Variants in AKR1B15 observed in about 807,000 individuals in gnomAD.
The protein encoded by AKR1B15 is aldo-keto reductase family 1 member B15, also known as estradiol 17-beta-dehydrogenase AKR1B15.
In AKR1B15, 49 loss-of-function variants were observed where a neutral mutation model predicts 38.5. The ratio of observed to expected loss-of-function variants is 1.27; its 90% CI spans 1.01 to 1.62. The LOEUF is 1.62. Ranked by LOEUF, AKR1B15 falls within the 40% of genes most tolerant of loss-of-function variation. The pLI is 0.00. For synonymous variants in AKR1B15, 137 were observed against 135.5 expected (o/e 1.01, Z -0.08); for missense variants, 411 against 381.6 (o/e 1.08, Z -0.64).
intron 2 of AKR1B15, among the ~76,000 whole-genome samples, chr7:134,563,543 G>A (rs530993233): frequency 2.8e-4 from 43 of 152,258 alleles, no homozygotes; most frequent in Admixed American, 1.8e-3. Flanking sequence ...GCAAGACTCC[G>A]TCTCAAAAAC....
chr7:134,576,421 C>G lies in AKR1B15; in HGVS notation c.816C>G (p.Thr272=). 1 of 1,614,126 alleles carries G rather than the reference C, an allele frequency of 6.2e-7. No homozygotes were observed. Among genetic ancestry groups the G allele is most frequent in the Non-Finnish European group, 8.5e-7 (1 of 1,179,982 alleles). ...AGATTGCTGCAAAGCACAAAAAAAC[C>G]ACAGCCCAGGTACCATATTTTTATT... is the stretch of plus-strand genomic sequence containing the variant. ...IKEIAAKHKK[T]TAQVLIRFHI... Residue 272 remains threonine, a synonymous_variant, in exon 9 of 12, where the codon ACC becomes ACG. Transcript: ENST00000457545.
At chr7:134,549,628 C>T (rs1331918788) in intron 1 of AKR1B15, among the ~76,000 whole-genome samples, 1 of 152,036 alleles carries the variant, frequency 6.6e-6, no homozygotes, top group East Asian at 1.9e-4. Flanking sequence ...AGGCATAGCT[C>T]GATCCAAGCC....
At chr7:134,550,998 ATG>A (rs1793951324) in intron 1 of AKR1B15, among the ~76,000 whole-genome samples, 1 of 152,038 alleles carries the variant, frequency 6.6e-6, no homozygotes, top group Non-Finnish European at 1.5e-5. Context: ...GCTCTCCTTC[ATG>A]GCTCCACTCG....
intron 2 of AKR1B15, 59 bp from the exon 3 acceptor site, chr7:134,564,539 C>T: frequency 1.6e-6 from 1 of 610,126 alleles, no homozygotes; most frequent in Non-Finnish European, 2.9e-6. Context: ...AGCCATCTTG[C>T]TATTACTCAC....
chr7:134,559,466 C>T (rs1185071874), intron 2 of AKR1B15, among the ~76,000 whole-genome samples: 1 of 152,128 alleles, frequency 6.6e-6, no homozygotes, highest in Non-Finnish European at 1.5e-5. Flanking sequence ...ACACTGTAAC[C>T]CCTTGTTGCT....
chr7:134,577,126 C>T (rs1794782932), intron 10 of AKR1B15, 80 bp downstream of exon 10: 12 of 1,381,552 alleles, frequency 8.7e-6, no homozygotes, highest in South Asian at 2.4e-5. Context: ...CTTCTCACCT[C>T]ATCCCTGCAC....
chr7:134,575,501 T>C lies in AKR1B15; in HGVS notation c.595T>C (p.Leu199=), dbSNP rs1402619753. ...NFNHFQIERL[L]NKPGLKYKPV... is the part of the protein sequence containing the mutation. The stretch of plus-strand genomic sequence containing the variant: ...CAACCACTTCCAGATCGAGAGGCTC[T>C]TGAACAAACCTGGACTGAAATATAA... The change falls in exon 7 of 12, where the codon TTG becomes CTG. Residue 199 remains leucine, a synonymous_variant. Coordinates refer to ENST00000457545, the MANE Select transcript of AKR1B15 (RefSeq NM_001080538.3). The C allele has an allele frequency of 6.2e-7, 1 of 1,613,930 alleles. No individual in the cohort carries two copies. The highest frequency in any genetic ancestry group is 2.2e-5 in the East Asian group (1 of 44,868).
At chr7:134,562,832 C>CTCTCTCTT (rs1554402358) in intron 2 of AKR1B15, among the ~76,000 whole-genome samples, 105 of 122,696 alleles carry the variant, frequency 8.6e-4, no homozygotes, top group African/African-American at 3.0e-3. Context: ...TCCTTCCTTT[C>CTCTCTCTT]TCTTTCTTTC....
intron 6 of AKR1B15, among the ~76,000 whole-genome samples, chr7:134,574,637 A>C (rs1794725287): frequency 6.6e-6 from 1 of 152,202 alleles, no homozygotes; most frequent in Non-Finnish European, 1.5e-5. Flanking sequence ...AGGATCTAGA[A>C]CATGTAATAG....
At chr7:134,577,094 A>G (rs1585816779) in intron 10 of AKR1B15, 48 bp downstream of exon 10, 6 of 1,541,146 alleles carry the variant, frequency 3.9e-6, no homozygotes, top group South Asian at 1.1e-5. Flanking sequence ...GGAGTGGGGG[A>G]CAGGCAGACC....
At chr7:134,560,316 G>A (rs1794347088) in intron 2 of AKR1B15, among the ~76,000 whole-genome samples, 2 of 152,100 alleles carry the variant, frequency 1.3e-5, no homozygotes, top group South Asian at 4.2e-4. Context: ...CATGGAAAAC[G>A]GAAAACACAT....
chr7:134,562,874 C>CTTTCT (rs761100358), intron 2 of AKR1B15, among the ~76,000 whole-genome samples: 23 of 138,954 alleles, frequency 1.7e-4, no homozygotes, highest in African/African-American at 6.4e-4. Context: ...TTCTTTCTTT[C>CTTTCT]TTTCTTTCTT....
chr7:134,565,459 C>G, intron 3 of AKR1B15: 2 of 1,612,812 alleles, frequency 1.2e-6, no homozygotes, highest in Non-Finnish European at 1.7e-6. Flanking sequence ...CCTGCTCACT[C>G]AGAATCATTT....
intron 2 of AKR1B15, among the ~76,000 whole-genome samples, chr7:134,561,512 A>G (rs1357852538): frequency 6.6e-6 from 1 of 152,216 alleles, no homozygotes; most frequent in Non-Finnish European, 1.5e-5. Context: ...CGGACCATGC[A>G]TGTATTATTA....
intron 5 of AKR1B15, among the ~76,000 whole-genome samples, chr7:134,571,140 C>T (rs1794659022): frequency 6.6e-6 from 1 of 152,220 alleles, no homozygotes. Context: ...AAATTTCCAG[C>T]TCTCTCCCCT....
chr7:134,577,270 T>G (rs1321695162), intron 10 of AKR1B15, among the ~76,000 whole-genome samples: 1 of 152,226 alleles, frequency 6.6e-6, no homozygotes, highest in African/African-American at 2.4e-5. Context: ...CTATCAGGTC[T>G]GAGCACAGTT....
In AKR1B15 at chr7:134,579,650, A is replaced by C; in HGVS notation, c.*101A>C. 26 of 1,121,172 alleles carry C rather than the reference A, an allele frequency of 2.3e-5. No homozygotes were observed. Among genetic ancestry groups the C allele is most frequent in the Non-Finnish European group, 3.0e-5 (24 of 791,724 alleles). The allele number at this position is 1,121,172 out of a possible 1,614,324, so 69.5% of individuals were successfully genotyped here. ...ATTTTAGCCAAGCTTATCTGAGATC[A>C]CAGTGAACTTTGTCCTGTTGTAGAC... On this transcript the variant is annotated 3_prime_UTR_variant, in exon 12 of 12. Coordinates refer to ENST00000457545, the MANE Select transcript of AKR1B15 (RefSeq NM_001080538.3).
intron 3 of AKR1B15, chr7:134,565,564 T>C: frequency 6.2e-7 from 1 of 1,613,638 alleles, no homozygotes; most frequent in Non-Finnish European, 8.5e-7. Flanking sequence ...TGCAAATCTT[T>C]GCACAACTTT....
chr7:134,562,886 CT>C (rs1281432085), intron 2 of AKR1B15, among the ~76,000 whole-genome samples: 41 of 127,706 alleles, frequency 3.2e-4, no homozygotes, highest in African/African-American at 1.3e-3. Flanking sequence ...TTCTTTCTTT[CT>C]TTCCTTCTTT....
Sources: allele counts gnomAD v4.1 joint callset (sites outside exome capture counted in the v4.1 genomes callset), GRCh38; gene constraint gnomAD v4.1.1; transcripts MANE v1.5; gene names NCBI Gene and HGNC (gene_info 2026-07-23, HGNC 2026-07-21).